AMBRA1: variants seen among roughly 807,000 people sequenced by gnomAD.
AMBRA1 encodes the protein activating molecule in BECN1-regulated autophagy protein 1.
A neutral mutation model predicts 125.4 loss-of-function variants in AMBRA1; 47 were observed. The observed-to-expected ratio is 0.37, with a 90% CI of 0.30 to 0.48. The LOEUF (loss-of-function observed/expected upper bound fraction) is 0.48, where lower values mean the gene tolerates loss of function less well. AMBRA1 is among the 20% of genes least tolerant of loss of function. AMBRA1 has a pLI of 0.99. For missense variants in AMBRA1, 1,331 were observed against 1,693.4 expected (o/e 0.79, Z 3.76); for synonymous variants, 626 against 655.5 (o/e 0.95, Z 0.69).
chr11:46,585,665 CAAAAAAAAAAAAAAAAAAA>C (rs1157368065), intron 1 of AMBRA1, among the ~76,000 whole-genome samples: 1 of 7,598 alleles, frequency 1.3e-4, no homozygotes, highest in African/African-American at 7.4e-4. Context: ...GACTCCATCT[CAAAAAAAAAAAAAAAAAAA>C]AAAAAAAAAA....
chr11:46,525,624 G>A lies in AMBRA1; in HGVS notation c.2073-12811C>T, dbSNP rs868288340. 3.3e-5 allele frequency among the ~76,000 whole-genome samples: 5 copies of A among 152,114 alleles called. No homozygotes were observed. The South Asian group carries it at 6.2e-4, about 19-fold the overall frequency. ...AAATTAGCTGGGAGTGGTAGCACGT[G>A]CCTGTAGTCCCAGCTACTCTGGTGG... On this transcript the variant is annotated intron_variant, in intron 7 of 17. Transcript: ENST00000683756.
intron 1 of AMBRA1, among the ~76,000 whole-genome samples, chr11:46,560,425 G>A (rs951650074): frequency 6.6e-6 from 1 of 152,178 alleles, no homozygotes; most frequent in South Asian, 2.1e-4. Flanking sequence ...GCTTACTAGA[G>A]CTTTCTAAAG....
intron 1 of AMBRA1, among the ~76,000 whole-genome samples, chr11:46,566,663 G>C (rs2043544337): frequency 6.6e-6 from 1 of 152,114 alleles, no homozygotes; most frequent in Non-Finnish European, 1.5e-5. Flanking sequence ...AAGCTTCATT[G>C]CAACTTTATC....
intron 11 of AMBRA1, among the ~76,000 whole-genome samples, chr11:46,462,817 T>TC (rs1306529453): frequency 1.3e-5 from 2 of 151,968 alleles, no homozygotes; most frequent in African/African-American, 2.4e-5. Flanking sequence ...AGTGGTGCGA[T>TC]CCCAGCTCAC....
intron 11 of AMBRA1, among the ~76,000 whole-genome samples, chr11:46,488,650 T>C (rs976933036): frequency 6.6e-6 from 1 of 152,114 alleles, no homozygotes; most frequent in African/African-American, 2.4e-5. Context: ...AACTGCAGAA[T>C]ACACATTCTC....
intron 1 of AMBRA1, among the ~76,000 whole-genome samples, chr11:46,576,292 T>C (rs187410185): frequency 2.0e-4 from 30 of 152,272 alleles, no homozygotes; most frequent in Admixed American, 1.9e-3. Context: ...GCCAGAGACA[T>C]TGGTGTTGCT....
chr11:46,572,600 C>T (rs2043804684), intron 1 of AMBRA1, among the ~76,000 whole-genome samples: 1 of 152,122 alleles, frequency 6.6e-6, no homozygotes, highest in Admixed American at 6.6e-5. Flanking sequence ...ATGGCAGAAG[C>T]TCTTAGGCAT....
At chr11:46,590,877 C>A (rs1310883566) in intron 1 of AMBRA1, among the ~76,000 whole-genome samples, 5 of 147,460 alleles carry the variant, frequency 3.4e-5, no homozygotes, top group Admixed American at 2.1e-4. Context: ...CGTGCCACTG[C>A]ACTCAAGCCT....
chr11:46,428,679 G>C, intron 14 of AMBRA1: 1 of 1,600,550 alleles, frequency 6.2e-7, no homozygotes, highest in Non-Finnish European at 8.5e-7. Context: ...CCACGTCCAC[G>C]ACCAAATCCG....
rs892576619 is a variant in AMBRA1 at position 46,506,625 on chromosome 11, G to A, written c.2339+1566C>T. Among the ~76,000 whole-genome samples the A allele has an allele frequency of 2.0e-5, 3 of 152,202 alleles. No individual in the cohort carries two copies. In the East Asian group the frequency reaches 5.8e-4, roughly 29 times the overall value. ...CTATGTCAAGATGGAAGGTGGGGAG[G>A]AAATGACTGACAGGCTGTCCTCTTT... On this transcript the variant is annotated intron_variant, in intron 9 of 17. Coordinates refer to ENST00000683756, the MANE Select transcript of AMBRA1 (RefSeq NM_001387011.1).
chr11:46,521,855 G>GA (rs1328883664), intron 7 of AMBRA1, among the ~76,000 whole-genome samples: 2 of 152,016 alleles, frequency 1.3e-5, no homozygotes, highest in Non-Finnish European at 2.9e-5. Context: ...GTAACCTCAG[G>GA]AAAAAAATAG....
chr11:46,537,635 T>TTA (rs1460987920), intron 7 of AMBRA1, among the ~76,000 whole-genome samples: 2 of 152,200 alleles, frequency 1.3e-5, no homozygotes, highest in African/African-American at 4.8e-5. Flanking sequence ...CGTCAGACTA[T>TTA]TATAAAAAGA....
intron 11 of AMBRA1, among the ~76,000 whole-genome samples, chr11:46,488,884 A>G (rs1305457505): frequency 6.6e-6 from 1 of 152,146 alleles, no homozygotes; most frequent in African/African-American, 2.4e-5. Context: ...CTGAGAAGTG[A>G]CACCGTTCAG....
intron 11 of AMBRA1, among the ~76,000 whole-genome samples, chr11:46,452,601 A>T (rs1235932561): frequency 1.3e-5 from 2 of 152,258 alleles, no homozygotes; most frequent in African/African-American, 4.8e-5. Context: ...TTCTGAGTAT[A>T]TCTGCATGGC....
chr11:46,421,432 A>G (rs1460562439), intron 14 of AMBRA1, among the ~76,000 whole-genome samples: 1 of 152,226 alleles, frequency 6.6e-6, no homozygotes, highest in East Asian at 1.9e-4. Context: ...CTGGATCCTG[A>G]TAAGCACTTG....
chr11:46,530,984 A>C (rs957222174), intron 7 of AMBRA1, among the ~76,000 whole-genome samples: 1 of 152,160 alleles, frequency 6.6e-6, no homozygotes, highest in Non-Finnish European at 1.5e-5. Context: ...CCCAGATTCA[A>C]GGAACTCTCC....
chr11:46,399,537 G>A (rs1175197232), intron 17 of AMBRA1, among the ~76,000 whole-genome samples: 1 of 151,988 alleles, frequency 6.6e-6, no homozygotes, highest in East Asian at 1.9e-4. Flanking sequence ...CTAATTTTTT[G>A]TATTTTTAGT....
At position 46,527,477 on chromosome 11, in the gene AMBRA1, C is replaced by CAAAAAAAAAAAAAAAAAAAAAA. The variant is rs59904013; in HGVS notation, c.2072+14446_2072+14467dup. 6.2e-4 allele frequency among the ~76,000 whole-genome samples: 16 copies of CAAAAAAAAAAAAAAAAAAAAAA among 25,938 alleles called. 3 individuals are homozygous for CAAAAAAAAAAAAAAAAAAAAAA. The highest frequency in any genetic ancestry group is 6.6e-4 in the Non-Finnish European group (11 of 16,762). The allele number at this position is 25,938 out of a possible 152,430, so 17.0% of individuals were successfully genotyped here. On this transcript the variant is annotated intron_variant, in intron 7 of 17. Transcript: ENST00000683756. ...CCTAGGTGACAAAGTGAGACTGTCT[C>CAAAAAAAAAAAAAAAAAAAAAA]AAAAAAAAAAAAAAAAAAAAAAAAA...
chr11:46,565,907 C>T (rs949235472), intron 1 of AMBRA1, among the ~76,000 whole-genome samples: 5 of 151,920 alleles, frequency 3.3e-5, no homozygotes, highest in Non-Finnish European at 2.9e-5. Context: ...CAAGTAGCTG[C>T]GCCCACAGGT....
Sources: allele counts gnomAD v4.1 joint callset (sites outside exome capture counted in the v4.1 genomes callset), GRCh38; gene constraint gnomAD v4.1.1; transcripts MANE v1.5; gene names NCBI Gene and HGNC (gene_info 2026-07-23, HGNC 2026-07-21).